The following PTCHD4 variants were observed in gnomAD, a reference collection of about 807,000 sequenced individuals.
PTCHD4 encodes the protein patched domain-containing protein 4.
In PTCHD4, 33 loss-of-function variants were observed where a neutral mutation model predicts 58.1. The observed-to-expected ratio is 0.57, with a 90% CI of 0.43 to 0.76. The LOEUF (loss-of-function observed/expected upper bound fraction) is 0.76. Ranked by LOEUF, PTCHD4 falls within the 30% of genes least tolerant of loss-of-function variation. PTCHD4 has a pLI of 0.00. For missense variants in PTCHD4, 1,058 were observed against 1,027.1 expected (o/e 1.03, Z -0.41); for synonymous variants, 478 against 409.6 (o/e 1.17, Z -2.02).
In PTCHD4 at chr6:47,860,338, A is replaced by G. The variant is rs1763395179; in HGVS notation, c.*17965T>C. On this transcript the variant is annotated 3_prime_UTR_variant, in exon 5 of 5. Transcript: ENST00000339488. ...AATGAAAGAAATATATAAAACTGTC[A>G]ATTAAGAAAAGACAAAGAAATATAT... 6.6e-6 allele frequency among the ~76,000 whole-genome samples: 1 copy of G among 152,072 alleles called. No homozygotes were observed. The highest frequency in any genetic ancestry group is 2.4e-5 in the African/African-American group (1 of 41,432).
At chr6:48,091,846 T>G (rs1765371734) in intron 1 of PTCHD4, among the ~76,000 whole-genome samples, 1 of 151,892 alleles carries the variant, frequency 6.6e-6, no homozygotes, top group Admixed American at 6.6e-5. Flanking sequence ...GACGGGGTTT[T>G]GCCATGTTGG....
intron 4 of PTCHD4, among the ~76,000 whole-genome samples, chr6:47,972,029 C>A (rs541418338): frequency 4.6e-5 from 7 of 151,884 alleles, no homozygotes; most frequent in Admixed American, 3.9e-4. Context: ...GTAATAATAG[C>A]CCAGATTTGA....
intron 1 of PTCHD4, among the ~76,000 whole-genome samples, chr6:48,079,672 C>T (rs879777855): frequency 2.0e-5 from 3 of 150,996 alleles, no homozygotes; most frequent in Non-Finnish European, 4.4e-5. Context: ...ATGAAAATAC[C>T]TTGTGACAAT....
chr6:47,983,782 C>T (rs1316790597), intron 4 of PTCHD4, among the ~76,000 whole-genome samples: 1 of 152,162 alleles, frequency 6.6e-6, no homozygotes, highest in Non-Finnish European at 1.5e-5. Context: ...GCTAATCTGT[C>T]AGTCCAGTGT....
intron 3 of PTCHD4, among the ~76,000 whole-genome samples, chr6:48,020,290 T>C (rs999334537): frequency 7.9e-5 from 12 of 152,082 alleles, no homozygotes; most frequent in Admixed American, 4.6e-4. Flanking sequence ...TCAGATCTTA[T>C]GGAATGCACA....
At position 48,097,003 on chromosome 6, in the gene PTCHD4, A is replaced by G. The variant is rs115782455; in HGVS notation, c.-970+14046T>C. Among the ~76,000 whole-genome samples, 996 of 152,286 alleles carry G rather than the reference A, an allele frequency of 6.5e-3. 9 individuals carry two copies. The highest frequency in any genetic ancestry group is 0.022 in the African/African-American group (934 of 41,568). On this transcript the variant is annotated intron_variant, in intron 1 of 4. Coordinates refer to ENST00000339488, the MANE Select transcript of PTCHD4 (RefSeq NM_001384253.1). The stretch of plus-strand genomic sequence containing the variant: ...ATTTCTTGTTAAAATAATTTTTGCA[A>G]TGTAAATCTAGGTAAACTTATGACA...
intron 4 of PTCHD4, among the ~76,000 whole-genome samples, chr6:47,955,802 A>G (rs1313632147): frequency 6.6e-6 from 1 of 152,188 alleles, no homozygotes; most frequent in Non-Finnish European, 1.5e-5. Flanking sequence ...TGTGTGAAAA[A>G]CACTGAGAGT....
At chr6:47,900,610 A>G (rs1764665223) in intron 4 of PTCHD4, 1 of 152,150 alleles carries the variant, frequency 6.6e-6, no homozygotes, top group Admixed American at 6.5e-5. Context: ...TACAACTTTT[A>G]AGTTCATTCT....
chr6:48,007,673 C>A (rs776557581), intron 4 of PTCHD4, among the ~76,000 whole-genome samples: 8 of 152,174 alleles, frequency 5.3e-5, no homozygotes, highest in Admixed American at 1.3e-4. Context: ...TTTAGCAAAA[C>A]CCCTAGCAAG....
chr6:48,026,811 C>T (rs759071865), intron 3 of PTCHD4, among the ~76,000 whole-genome samples: 34 of 152,116 alleles, frequency 2.2e-4, no homozygotes, highest in Non-Finnish European at 3.4e-4. Flanking sequence ...AGTCCATAGC[C>T]TCCACAAGAT....
At chr6:48,010,711 T>C (rs1197628644) in intron 3 of PTCHD4, among the ~76,000 whole-genome samples, 2 of 152,130 alleles carry the variant, frequency 1.3e-5, no homozygotes, top group Non-Finnish European at 2.9e-5. Context: ...ACCCATCAAC[T>C]ACATTAGGTA....
At position 47,878,291 on chromosome 6, in the gene PTCHD4, G is replaced by T; in HGVS notation, c.*12C>A. On this transcript the variant is annotated 3_prime_UTR_variant, in exon 5 of 5. Transcript: ENST00000339488. ...TACTGGAAAAGAAAAATAATCCACT[G>T]GTCTATACCCCTCATACTGTGGTGA... 1 of 1,567,566 alleles carries T rather than the reference G, an allele frequency of 6.4e-7. No individual in the cohort carries two copies. The highest frequency in any genetic ancestry group is 1.2e-5 in the South Asian group (1 of 81,148).
chr6:47,917,593 A>C (rs142245861), intron 4 of PTCHD4, among the ~76,000 whole-genome samples: 1 of 152,254 alleles, frequency 6.6e-6, no homozygotes, highest in African/African-American at 2.4e-5. Flanking sequence ...TGATTCTACT[A>C]TGCATATACT....
chr6:48,108,894 T>C (rs1469865168), intron 1 of PTCHD4, among the ~76,000 whole-genome samples: 1 of 151,792 alleles, frequency 6.6e-6, no homozygotes, highest in Non-Finnish European at 1.5e-5. Flanking sequence ...CAAGTCTGAT[T>C]AATGGGAAAA....
At position 48,088,919 on chromosome 6, in the gene PTCHD4, C is replaced by T. The variant is rs1039325789; in HGVS notation, c.-969-18993G>A. Among the ~76,000 whole-genome samples the T allele has an allele frequency of 3.9e-5, 6 of 152,210 alleles. No individual in the cohort carries two copies. In the South Asian group the frequency reaches 1.0e-3, roughly 26 times the overall value. ...AATTAGCTGAGTGTGGTGGCGGGCG[C>T]CTGTAATGCAGGTTACTCAGGAGAC... On this transcript the variant is annotated intron_variant, in intron 1 of 4. Transcript: ENST00000339488.
chr6:48,108,784 A>G (rs1430359277), intron 1 of PTCHD4, among the ~76,000 whole-genome samples: 1 of 152,032 alleles, frequency 6.6e-6, no homozygotes, highest in East Asian at 1.9e-4. Context: ...AATATAAACA[A>G]TGATAAATCT....
intron 4 of PTCHD4, among the ~76,000 whole-genome samples, chr6:47,886,622 C>T (rs1764201607): frequency 6.6e-6 from 1 of 152,026 alleles, no homozygotes; most frequent in South Asian, 2.1e-4. Context: ...CATCCCAATG[C>T]CAACTAAATG....
At chr6:47,886,988 T>G (rs1218963258) in intron 4 of PTCHD4, among the ~76,000 whole-genome samples, 1 of 152,198 alleles carries the variant, frequency 6.6e-6, no homozygotes, top group Non-Finnish European at 1.5e-5. Context: ...TTTTAGCCAG[T>G]CCAGAAACTC....
chr6:47,972,950 C>T (rs1456003737), intron 4 of PTCHD4, among the ~76,000 whole-genome samples: 1 of 152,006 alleles, frequency 6.6e-6, no homozygotes, highest in Non-Finnish European at 1.5e-5. Context: ...GTCATTCACC[C>T]TTTATCATGC....
Sources: gnomAD v4.1 joint callset for allele counts (sites outside exome capture counted in the v4.1 genomes callset) on GRCh38, gnomAD v4.1.1 for gene constraint, MANE v1.5 for transcripts, NCBI Gene and HGNC (gene_info 2026-07-23, HGNC 2026-07-21) for gene names.